The following KIAA0319L variants were observed in gnomAD, a reference collection of about 807,000 sequenced individuals.
The protein encoded by KIAA0319L is dyslexia-associated protein KIAA0319-like protein.
Under a neutral mutation model 120.1 loss-of-function variants are expected in KIAA0319L, and 55 were observed. The ratio of observed to expected loss-of-function variants is 0.46; its 90% CI spans 0.37 to 0.57. KIAA0319L has a LOEUF of 0.57. KIAA0319L is among the 20% of genes least tolerant of loss of function. The pLI, the probability that KIAA0319L is intolerant of heterozygous loss-of-function variation, is 0.00. For missense variants in KIAA0319L, 1,049 were observed against 1,255.3 expected, an observed-to-expected ratio of 0.84 and a Z score of 2.48; for synonymous variants, 398 against 471.9, an observed-to-expected ratio of 0.84 and a Z score of 2.03.
At position 35,451,793 on chromosome 1, in the gene KIAA0319L, T is replaced by C. The variant is rs201939180; in HGVS notation, c.1914-17A>G. ...TCAGGTCCCCTGCAAAAAAAGAAAC[T>C]AGAGGGTAGAGTTGTACCTGTCTGC... On this transcript the variant is annotated splice_polypyrimidine_tract_variant and intron_variant, in intron 12 of 20. Coordinates refer to ENST00000325722, the MANE Select transcript of KIAA0319L (RefSeq NM_024874.5). 1.4e-3 allele frequency: 2,335 copies of C among 1,613,398 alleles called. 1 individual carries two copies. The highest frequency in any genetic ancestry group is 1.9e-3 in the Non-Finnish European group (2,220 of 1,179,718).
intron 4 of KIAA0319L, among the ~76,000 whole-genome samples, chr1:35,478,096 C>T (rs188945087): frequency 1.4e-4 from 21 of 152,156 alleles, no homozygotes; most frequent in African/African-American, 5.1e-4. Context: ...TTGTCATTTC[C>T]AACAACATGG....
intron 2 of KIAA0319L, among the ~76,000 whole-genome samples, chr1:35,543,059 T>C (rs7540779): frequency 0.15 from 23,573 of 152,188 alleles, 3,634 homozygotes; most frequent in East Asian, 0.52. Context: ...TAGTAGGATT[T>C]AAGATGATTA....
chr1:35,481,811 T>G (rs1331381217), intron 3 of KIAA0319L, among the ~76,000 whole-genome samples: 1 of 138,102 alleles, frequency 7.2e-6, no homozygotes, highest in African/African-American at 2.6e-5. Flanking sequence ...CATTCTGCTG[T>G]TTCTTTTTTT....
intron 9 of KIAA0319L, among the ~76,000 whole-genome samples, chr1:35,458,950 C>T (rs10493069): frequency 0.027 from 4,068 of 152,224 alleles, 224 homozygotes; most frequent in East Asian, 0.25. Flanking sequence ...AATGGAAATC[C>T]TGCTAAGTCA....
upstream of KIAA0319L, chr1:35,557,648 C>T: frequency 2.2e-6 from 1 of 456,826 alleles, no homozygotes; most frequent in Non-Finnish European, 4.4e-6. Flanking sequence ...CAGACTCGGG[C>T]AATACCCACA....
At chr1:35,457,033 G>A (rs912621728) in intron 9 of KIAA0319L, among the ~76,000 whole-genome samples, 2 of 152,094 alleles carry the variant, frequency 1.3e-5, no homozygotes, top group Admixed American at 6.6e-5. Flanking sequence ...TATGTCTCCA[G>A]CGCCATTTTG....
intron 3 of KIAA0319L, among the ~76,000 whole-genome samples, chr1:35,494,111 G>T (rs1644705184): frequency 6.6e-6 from 1 of 151,954 alleles, no homozygotes; most frequent in South Asian, 2.1e-4. Flanking sequence ...ACCTAAAATG[G>T]GCAATTTTGA....
chr1:35,441,510 A>G (rs1248916630), intron 19 of KIAA0319L, among the ~76,000 whole-genome samples: 2 of 152,098 alleles, frequency 1.3e-5, no homozygotes, highest in African/African-American at 4.8e-5. Flanking sequence ...GAATTTTTAA[A>G]AATTCCTTTA....
At position 35,460,372 on chromosome 1, in the gene KIAA0319L, C is replaced by T. The variant is rs764470211; in HGVS notation, c.1360G>A (p.Glu454Lys). ...ATGGCTGTATCTTCAGAAATCTTCT[C>T]TTCTCTTAGAGGCCCCTTAAGTTCT... ...WEELKGPLREEKISEDTAILK... is the reference protein window; with the variant it reads ...WEELKGPLREKKISEDTAILK... The change falls in exon 9 of 21, where the codon GAG (glutamate) becomes AAG (lysine). Residue 454 changes from glutamate (E) to lysine (K), a missense_variant. By Grantham distance (56) the Glu-to-Lys change is moderately conservative. Transcript: ENST00000325722. 6.2e-7 allele frequency: 1 copy of T among 1,612,246 alleles called. No individual in the cohort carries two copies. The highest frequency in any genetic ancestry group is 1.3e-5 in the African/African-American group (1 of 74,890).
chr1:35,450,267 T>C, intron 14 of KIAA0319L, 91 bp downstream of exon 14: 1 of 1,360,536 alleles, frequency 7.4e-7, no homozygotes, highest in Admixed American at 2.0e-5. Context: ...GGGTTTGATA[T>C]AAGGGACCAC....
intron 2 of KIAA0319L, among the ~76,000 whole-genome samples, chr1:35,517,797 G>C (rs1645745290): frequency 6.6e-6 from 1 of 152,174 alleles, no homozygotes; most frequent in East Asian, 1.9e-4. Flanking sequence ...CTACAGAATG[G>C]GAGAAAATAC....
intron 4 of KIAA0319L, 41 bp downstream of exon 4, chr1:35,478,925 T>G: frequency 6.2e-7 from 1 of 1,601,184 alleles, no homozygotes; most frequent in Non-Finnish European, 8.5e-7. Flanking sequence ...TGATCAAATG[T>G]TCTACTTTTT....
At chr1:35,481,862 T>A (rs1048062764) in intron 3 of KIAA0319L, among the ~76,000 whole-genome samples, 4 of 131,710 alleles carry the variant, frequency 3.0e-5, no homozygotes, top group Non-Finnish European at 6.3e-5. Flanking sequence ...TCTTGCTCTG[T>A]CGCCCAGGCT....
chr1:35,550,770 A>G (rs947128065), intron 2 of KIAA0319L, among the ~76,000 whole-genome samples: 7 of 152,086 alleles, frequency 4.6e-5, no homozygotes, highest in African/African-American at 1.4e-4. Flanking sequence ...GGGCCTCACT[A>G]TGTTGCCGGC....
chr1:35,441,214 G>T, intron 19 of KIAA0319L, 76 bp from the exon 20 acceptor site: 1 of 1,318,254 alleles, frequency 7.6e-7, no homozygotes, highest in Non-Finnish European at 1.1e-6. Context: ...AGATGTGCAT[G>T]CAGGGCCCTA....
intron 11 of KIAA0319L, chr1:35,454,089 T>A: frequency 2.2e-6 from 1 of 448,012 alleles, no homozygotes; most frequent in Non-Finnish European, 4.0e-6. Flanking sequence ...AATTACTTTT[T>A]AGGATTTGGG....
At position 35,435,075 on chromosome 1, in the gene KIAA0319L, T is replaced by C; in HGVS notation, c.2969A>G (p.Lys990Arg). 6.2e-7 allele frequency: 1 copy of C among 1,613,966 alleles called. No homozygotes were observed. The highest frequency in any genetic ancestry group is 8.5e-7 in the Non-Finnish European group (1 of 1,179,908). ...GCTACTTAGCAAAAGGCCTTTCTGTTTGATGCCTGCAGGGAAAACAAGGAA... is the reference window on the plus strand; with the variant it reads ...GCTACTTAGCAAAAGGCCTTTCTGTCTGATGCCTGCAGGGAAAACAAGGAA... ...ELKPTSRAGI[K>R]QKGLLLSSSL... is the part of the protein sequence containing the mutation. The change falls in exon 21 of 21, where the codon AAA becomes AGA. Residue 990 changes from lysine (K) to arginine (R), a missense_variant. By Grantham distance (26) the Lys-to-Arg change is conservative. Coordinates refer to ENST00000325722, the MANE Select transcript of KIAA0319L (RefSeq NM_024874.5).
chr1:35,528,470 T>C (rs1646238053), intron 2 of KIAA0319L, among the ~76,000 whole-genome samples: 1 of 152,242 alleles, frequency 6.6e-6, no homozygotes, highest in Non-Finnish European at 1.5e-5. Context: ...TTTATTCAAT[T>C]GTGGTCTGAG....
intron 2 of KIAA0319L, among the ~76,000 whole-genome samples, chr1:35,525,733 T>A (rs1646100704): frequency 6.6e-6 from 1 of 152,220 alleles, no homozygotes; most frequent in Non-Finnish European, 1.5e-5. Context: ...TTATGGATAT[T>A]AGTCCCTTGT....
Sources: allele counts gnomAD v4.1 joint callset (sites outside exome capture counted in the v4.1 genomes callset), GRCh38; gene constraint gnomAD v4.1.1; transcripts MANE v1.5; gene names NCBI Gene and HGNC (gene_info 2026-07-23, HGNC 2026-07-21).